CNKSR2: variants seen among roughly 807,000 people sequenced by gnomAD.
CNKSR2 encodes the protein CNK homolog protein 2.
CNKSR2 carries 14 observed loss-of-function variants against 84.4 expected under a neutral mutation model. That is an observed-to-expected ratio of 0.17 (90% CI 0.11 to 0.26). The LOEUF is 0.26. Ranked by LOEUF, CNKSR2 falls within the 10% of genes least tolerant of loss-of-function variation. The pLI is 1.00. For synonymous variants in CNKSR2, 275 were observed against 277.9 expected (o/e 0.99, Z 0.10); for missense variants, 485 against 771.2 (o/e 0.63, Z 4.40).
intron 20 of CNKSR2, among the ~76,000 whole-genome samples, chrX:21,630,599 A>C (rs1372878990): frequency 1.8e-5 from 2 of 111,274 alleles, no homozygotes; most frequent in Non-Finnish European, 3.8e-5. Context: ...ACATTGTGAC[A>C]GCAGAGTGAA....
chrX:21,462,146 A>G (rs768713667), intron 4 of CNKSR2, among the ~76,000 whole-genome samples: 13 of 111,727 alleles, frequency 1.2e-4, no homozygotes, highest in African/African-American at 3.9e-4. Flanking sequence ...ACATTTTCAG[A>G]ATATTGATTA....
chrX:21,589,123 G>T (rs1482061627), intron 13 of CNKSR2, among the ~76,000 whole-genome samples: 1 of 112,006 alleles, frequency 8.9e-6, no homozygotes, highest in Admixed American at 9.4e-5. Context: ...ATGTGTGTGT[G>T]TATGTGTGTA....
chrX:21,449,563 A>G (rs896461346), intron 4 of CNKSR2, among the ~76,000 whole-genome samples: 1 of 110,881 alleles, frequency 9.0e-6, no homozygotes, highest in Admixed American at 9.7e-5. Context: ...GAGTTGTATT[A>G]GTCAAGGTAT....
At chrX:21,466,908 T>C (rs2091135519) in intron 4 of CNKSR2, among the ~76,000 whole-genome samples, 1 of 111,637 alleles carries the variant, frequency 9.0e-6, no homozygotes, top group African/African-American at 3.3e-5. Context: ...TGCTGCATCC[T>C]CACCCTTTGT....
At chrX:21,402,874 A>G (rs750477936) in intron 1 of CNKSR2, among the ~76,000 whole-genome samples, 14 of 111,146 alleles carry the variant, frequency 1.3e-4, no homozygotes, top group Non-Finnish European at 2.7e-4. Flanking sequence ...GTGCTGGCCC[A>G]TGCATAGACA....
chrX:21,489,776 G>C (rs1462997545), intron 5 of CNKSR2, among the ~76,000 whole-genome samples: 3 of 111,840 alleles, frequency 2.7e-5, no homozygotes, highest in African/African-American at 9.7e-5. Context: ...TGAATGCTTT[G>C]TATTTTCTAG....
rs926933867 is a variant in CNKSR2, at chrX:21,393,106, C to T, written c.64+18145C>T. On this transcript the variant is annotated intron_variant, in intron 1 of 21. Transcript: ENST00000379510. ...TTATAATTGTCACAATTTCAACTTA[C>T]TTGATTCTTTGTTATTAATACCTCT... 2.7e-5 allele frequency among the ~76,000 whole-genome samples: 3 copies of T among 112,181 alleles called. No homozygotes were observed. In the South Asian group the frequency reaches 1.1e-3, roughly 41 times the overall value.
At chrX:21,419,401 G>C (rs1440041224) in intron 1 of CNKSR2, among the ~76,000 whole-genome samples, 3 of 110,536 alleles carry the variant, frequency 2.7e-5, no homozygotes, top group Non-Finnish European at 5.7e-5. Flanking sequence ...TTGGTACCTG[G>C]TGCCTTATTT....
At chrX:21,460,390 T>C (rs1191418042) in intron 4 of CNKSR2, among the ~76,000 whole-genome samples, 3 of 112,076 alleles carry the variant, frequency 2.7e-5, no homozygotes, top group Non-Finnish European at 5.6e-5. Flanking sequence ...ATTTCTTGTT[T>C]ATTAATTTGC....
At chrX:21,620,977 T>G (rs1476431158) in intron 20 of CNKSR2, among the ~76,000 whole-genome samples, 1 of 111,714 alleles carries the variant, frequency 9.0e-6, no homozygotes, top group Non-Finnish European at 1.9e-5. Flanking sequence ...ATTCTAAAGT[T>G]TTATAGTTCT....
At chrX:21,457,335 A>C (rs1265298701) in intron 4 of CNKSR2, among the ~76,000 whole-genome samples, 1 of 111,171 alleles carries the variant, frequency 9.0e-6, no homozygotes, top group Non-Finnish European at 1.9e-5. Flanking sequence ...AGCTCTTTGC[A>C]TCTTCTTTCC....
chrX:21,459,878 A>G (rs1294150149), intron 4 of CNKSR2, among the ~76,000 whole-genome samples: 1 of 111,564 alleles, frequency 9.0e-6, no homozygotes, highest in African/African-American at 3.3e-5. Context: ...TTATTAAATT[A>G]AAACTGATTT....
intron 20 of CNKSR2, among the ~76,000 whole-genome samples, chrX:21,638,683 G>A (rs1173869786): frequency 1.8e-5 from 2 of 111,987 alleles, no homozygotes; most frequent in African/African-American, 3.2e-5. Context: ...TTTCTTTGTG[G>A]TATCATAGAT....
At chrX:21,486,260 A>C (rs1323380412) in intron 5 of CNKSR2, among the ~76,000 whole-genome samples, 1 of 112,465 alleles carries the variant, frequency 8.9e-6, no homozygotes, top group Non-Finnish European at 1.9e-5. Context: ...AAGTTTTCCC[A>C]GACAGCCATG....
At chrX:21,536,345 T>C (rs773090176) in intron 11 of CNKSR2, among the ~76,000 whole-genome samples, 23 of 111,486 alleles carry the variant, frequency 2.1e-4, no homozygotes, top group Admixed American at 1.4e-3. Flanking sequence ...TCTTGTTGGA[T>C]TTTAGTAGTA....
At chrX:21,394,071 C>T (rs1227256383) in intron 1 of CNKSR2, among the ~76,000 whole-genome samples, 1 of 111,818 alleles carries the variant, frequency 8.9e-6, no homozygotes, top group Non-Finnish European at 1.9e-5. Context: ...GTGTTTAATT[C>T]ATGTGTTTAC....
At chrX:21,607,345 G>T (rs1197393371) in intron 19 of CNKSR2, among the ~76,000 whole-genome samples, 1 of 111,503 alleles carries the variant, frequency 9.0e-6, no homozygotes, top group Non-Finnish European at 1.9e-5. Context: ...GTATATGTTT[G>T]TATGGTGTGT....
At chrX:21,645,030 G>C (rs2147342187) in intron 20 of CNKSR2, 1 of 111,802 alleles carries the variant, frequency 8.9e-6, no homozygotes, top group South Asian at 3.7e-4. Flanking sequence ...TTTTTCATTA[G>C]CTATTCTTTT....
chrX:21,488,594 G>A (rs1285888151), intron 5 of CNKSR2, among the ~76,000 whole-genome samples: 4 of 111,574 alleles, frequency 3.6e-5, no homozygotes, highest in Non-Finnish European at 5.6e-5. Context: ...AACAGCACTA[G>A]CACAATTAGC....
Sources: gnomAD v4.1 joint callset for allele counts (sites outside exome capture counted in the v4.1 genomes callset) on GRCh38, gnomAD v4.1.1 for gene constraint, MANE v1.5 for transcripts, NCBI Gene and HGNC (gene_info 2026-07-23, HGNC 2026-07-21) for gene names.